Variants in PPP2R2C observed in about 807,000 individuals in gnomAD.
PPP2R2C encodes the protein protein phosphatase 2 regulatory subunit Bgamma, also known as protein phosphatase 2, regulatory subunit B, gamma.
A neutral mutation model predicts 45.3 loss-of-function variants in PPP2R2C; 10 were observed. The observed-to-expected ratio is 0.22, with a 90% CI of 0.14 to 0.37. The LOEUF (loss-of-function observed/expected upper bound fraction) is 0.37, where lower values mean the gene tolerates loss of function less well. Among genes scored for constraint, PPP2R2C ranks in the 10% least tolerant of loss-of-function variants. The probability of loss-of-function intolerance (pLI) is 1.00; values close to 1 mark genes in which losing one functional copy is unlikely to be tolerated. For synonymous variants in PPP2R2C, 257 were observed against 245.4 expected (o/e 1.05, Z -0.44); for missense variants, 308 against 619.7 (o/e 0.50, Z 5.34).
At chr4:6,383,367 G>A (rs544952785) in intron 1 of PPP2R2C, 15 of 1,289,752 alleles carry the variant, frequency 1.2e-5, no homozygotes, top group African/African-American at 9.1e-5. Context: ...TTGTATGCAC[G>A]GGGTCTCGTG....
intron 1 of PPP2R2C, among the ~76,000 whole-genome samples, chr4:6,396,431 A>G (rs973168810): frequency 6.6e-6 from 1 of 151,628 alleles, no homozygotes; most frequent in South Asian, 2.1e-4. Context: ...TGACGGAGAT[A>G]GGCAGGTCTG....
intron 2 of PPP2R2C, among the ~76,000 whole-genome samples, chr4:6,532,784 A>C (rs966302502): frequency 6.6e-6 from 1 of 152,110 alleles, no homozygotes; most frequent in Admixed American, 6.5e-5. Context: ...ACCATCACCC[A>C]CATGGCCCCC....
Position 6,472,300 on chromosome 4 carries a change from G to C in PPP2R2C, c.-71C>G. ...CGATGCAATCCGCAGAGGTCGCGCCGGGCGCGCGGGCCATGCCGCCGCAGC... is the reference window on the plus strand; with the variant it reads ...CGATGCAATCCGCAGAGGTCGCGCCCGGCGCGCGGGCCATGCCGCCGCAGC... On this transcript the variant is annotated 5_prime_UTR_variant, in exon 1 of 9. Coordinates refer to ENST00000382599, the MANE Select transcript of PPP2R2C (RefSeq NM_020416.4). 6.3e-7 allele frequency: 1 copy of C among 1,590,816 alleles called. No individual in the cohort carries two copies. The highest frequency in any genetic ancestry group is 8.6e-7 in the Non-Finnish European group (1 of 1,169,338).
intron 1 of PPP2R2C, among the ~76,000 whole-genome samples, chr4:6,559,534 T>C (rs888050233): frequency 1.3e-5 from 2 of 152,094 alleles, no homozygotes; most frequent in African/African-American, 4.8e-5. Flanking sequence ...TTAACCCAAT[T>C]CTTGCCCCAT....
At chr4:6,439,635 T>G (rs1720054223) in intron 1 of PPP2R2C, among the ~76,000 whole-genome samples, 2 of 152,174 alleles carry the variant, frequency 1.3e-5, no homozygotes, top group African/African-American at 4.8e-5. Context: ...CCTCTGCTCT[T>G]CTGCCTCCAG....
At chr4:6,371,286 G>A (rs80234130) in intron 5 of PPP2R2C, among the ~76,000 whole-genome samples, 2,730 of 152,340 alleles carry the variant, frequency 0.018, 82 homozygotes, top group African/African-American at 0.06. Context: ...TTCCCTTCCC[G>A]CTGTTTTCCA....
intron 1 of PPP2R2C, among the ~76,000 whole-genome samples, chr4:6,420,443 GC>G (rs1439598499): frequency 1.3e-5 from 2 of 152,082 alleles, no homozygotes; most frequent in African/African-American, 4.8e-5. Context: ...GCGGCCTCTC[GC>G]CCCAAGGACA....
At chr4:6,532,219 G>A (rs1014418618) in intron 2 of PPP2R2C, among the ~76,000 whole-genome samples, 6 of 152,184 alleles carry the variant, frequency 3.9e-5, no homozygotes, top group African/African-American at 1.2e-4. Flanking sequence ...TGGTCCTCAC[G>A]ACTGCCTTGG....
chr4:6,395,379 G>C (rs541063463), intron 1 of PPP2R2C, among the ~76,000 whole-genome samples: 49 of 152,324 alleles, frequency 3.2e-4, no homozygotes, highest in African/African-American at 1.2e-3. Flanking sequence ...GACCCCGCGG[G>C]CATGTCCAGG....
intron 6 of PPP2R2C, among the ~76,000 whole-genome samples, chr4:6,337,112 G>GTGTATATATATA (rs1202845732): frequency 6.6e-5 from 2 of 30,116 alleles, no homozygotes; most frequent in African/African-American, 2.1e-4. Flanking sequence ...ATGTGTGTGT[G>GTGTATATATATA]TATATATATA....
chr4:6,458,397 T>A (rs4604129), intron 1 of PPP2R2C, among the ~76,000 whole-genome samples: 95,116 of 152,038 alleles, frequency 0.63, 31,209 homozygotes, highest in East Asian at 0.8. Context: ...TTCCTGACTC[T>A]CAAACAGTGC....
chr4:6,334,332 G>GT (rs1732663862), intron 6 of PPP2R2C, among the ~76,000 whole-genome samples: 3 of 152,294 alleles, frequency 2.0e-5, no homozygotes, highest in African/African-American at 7.2e-5. Context: ...GCCATCCACT[G>GT]ACCATCTCCT....
At chr4:6,356,649 G>A (rs780195580) in intron 5 of PPP2R2C, among the ~76,000 whole-genome samples, 7 of 152,372 alleles carry the variant, frequency 4.6e-5, no homozygotes, top group South Asian at 2.1e-4. Flanking sequence ...CACGTGAAGC[G>A]CTGAGAACAG....
intron 2 of PPP2R2C, among the ~76,000 whole-genome samples, chr4:6,488,455 G>A (rs1722596893): frequency 6.6e-6 from 1 of 152,088 alleles, no homozygotes; most frequent in East Asian, 1.9e-4. Context: ...AAGCTAAGGT[G>A]GGAGGATCAC....
intron 5 of PPP2R2C, among the ~76,000 whole-genome samples, chr4:6,357,273 C>A (rs1713293016): frequency 6.6e-6 from 1 of 152,250 alleles, no homozygotes. Context: ...TGTCAGGTCC[C>A]TGGAGGGGCC....
chr4:6,404,961 C>A (rs911793803), intron 1 of PPP2R2C, among the ~76,000 whole-genome samples: 1 of 152,198 alleles, frequency 6.6e-6, no homozygotes, highest in Non-Finnish European at 1.5e-5. Flanking sequence ...TCAACTGCCT[C>A]ATCAGCAAAA....
In PPP2R2C at chr4:6,329,215, A is replaced by C; in HGVS notation, c.1052+47T>G. 6.4e-7 allele frequency: 1 copy of C among 1,561,000 alleles called. No homozygotes were observed. The highest frequency in any genetic ancestry group is 8.8e-7 in the Non-Finnish European group (1 of 1,134,162). ...CCAGCCCAGACCCCTGCAGGGCAGA[A>C]ACCCTCCCTACGGTGAGGTGAGGTG... On this transcript the variant is annotated intron_variant, in intron 8 of 8. Transcript: ENST00000382599. The surrounding 1 kb of genome is among the most constrained non-coding windows in gnomAD (Gnocchi z 5.8).
At chr4:6,533,677 G>T (rs1293383956) in intron 2 of PPP2R2C, among the ~76,000 whole-genome samples, 3 of 152,204 alleles carry the variant, frequency 2.0e-5, no homozygotes. Context: ...ACTCTCTGAA[G>T]ATGTTGTTTG....
At chr4:6,553,989 C>A (rs1475051533) in intron 1 of PPP2R2C, among the ~76,000 whole-genome samples, 2 of 152,126 alleles carry the variant, frequency 1.3e-5, no homozygotes, top group Non-Finnish European at 2.9e-5. Flanking sequence ...TCTTGGGGCA[C>A]CAGGACCCCC....
Sources: gnomAD v4.1 joint callset for allele counts (sites outside exome capture counted in the v4.1 genomes callset) on GRCh38, gnomAD v4.1.1 for gene constraint, Gnocchi (gnomAD v3.1) non-coding constraint, MANE v1.5 for transcripts, NCBI Gene and HGNC (gene_info 2026-07-23, HGNC 2026-07-21) for gene names.